The following IFT43 variants were observed in gnomAD, a reference collection of about 807,000 sequenced individuals.
IFT43 encodes intraflagellar transport 43.
Under a neutral mutation model 32.3 loss-of-function variants are expected in IFT43, and 33 were observed. The observed-to-expected ratio is 1.02, with a 90% CI of 0.77 to 1.37. The LOEUF (loss-of-function observed/expected upper bound fraction) is 1.37. Ranked by LOEUF, IFT43 falls within the 40% of genes most tolerant of loss-of-function variation. The pLI is 0.00. For missense variants in IFT43, 274 were observed against 265.9 expected (o/e 1.03, Z -0.21); for synonymous variants, 93 against 98.2 (o/e 0.95, Z 0.31).
intron 2 of IFT43, among the ~76,000 whole-genome samples, chr14:76,005,261 C>T (rs1439727850): frequency 6.6e-6 from 1 of 152,192 alleles, no homozygotes; most frequent in Non-Finnish European, 1.5e-5. Flanking sequence ...TCACCTTAAA[C>T]TTGTGGGAAC....
intron 3 of IFT43, among the ~76,000 whole-genome samples, chr14:76,054,525 C>T (rs2036973818): frequency 6.6e-6 from 1 of 152,210 alleles, no homozygotes; most frequent in Non-Finnish European, 1.5e-5. Flanking sequence ...CAGTGCCCAG[C>T]GTCCCTCTCT....
chr14:76,057,666 G>A (rs2037045309), intron 3 of IFT43, among the ~76,000 whole-genome samples: 2 of 152,144 alleles, frequency 1.3e-5, no homozygotes, highest in Admixed American at 1.3e-4. Flanking sequence ...AAGGCTGGTG[G>A]CCTACCCTGT....
chr14:75,988,826 A>G (rs1266661841), intron 1 of IFT43, 59 bp from the exon 2 acceptor site: 13 of 1,611,644 alleles, frequency 8.1e-6, no homozygotes, highest in Admixed American at 1.7e-5. Context: ...CTGGATTGTC[A>G]TCTCAGTAGT....
intron 3 of IFT43, among the ~76,000 whole-genome samples, chr14:76,044,873 A>G (rs532733305): frequency 2.0e-5 from 3 of 152,112 alleles, no homozygotes; most frequent in African/African-American, 4.8e-5. Context: ...CTCCTGATCC[A>G]TTTCCACTTA....
At chr14:76,011,786 G>T (rs118158622) in intron 2 of IFT43, among the ~76,000 whole-genome samples, 2,174 of 152,292 alleles carry the variant, frequency 0.014, 24 homozygotes, top group Non-Finnish European at 0.02. Context: ...GAGAAACTCA[G>T]TTCTCTGAGG....
chr14:76,062,190 C>T (rs2037148862), intron 5 of IFT43, among the ~76,000 whole-genome samples: 4 of 151,940 alleles, frequency 2.6e-5, no homozygotes, highest in Admixed American at 1.3e-4. Context: ...CCTGCCTCAG[C>T]CTCCCAAGTA....
At position 75,987,645 on chromosome 14, in the gene IFT43, G is replaced by A. The variant is rs1281305905; in HGVS notation, c.55-1240G>A. 2.0e-5 allele frequency among the ~76,000 whole-genome samples: 3 copies of A among 152,142 alleles called. No individual in the cohort carries two copies. In the East Asian group the frequency reaches 5.8e-4, roughly 29 times the overall value. On this transcript the variant is annotated intron_variant, in intron 1 of 8. Coordinates refer to ENST00000314067, the MANE Select transcript of IFT43 (RefSeq NM_001102564.3). ...GCCACATTAAATGAGATCTAAAAGT[G>A]CTTATATTAATGCTGTTTTTTTTAA...
At chr14:76,046,713 A>G (rs1399489481) in intron 3 of IFT43, among the ~76,000 whole-genome samples, 1 of 152,214 alleles carries the variant, frequency 6.6e-6, no homozygotes, top group East Asian at 1.9e-4. Flanking sequence ...GAACAACTTT[A>G]TGAAGTAGAA....
intron 2 of IFT43, among the ~76,000 whole-genome samples, chr14:75,993,877 A>G (rs1362860601): frequency 6.6e-6 from 1 of 152,188 alleles, no homozygotes; most frequent in Admixed American, 6.5e-5. Flanking sequence ...CCTTCTTATC[A>G]GGAAAACAGT....
At position 76,065,400 on chromosome 14, in the gene IFT43, A is replaced by G. The variant is rs535426360; in HGVS notation, c.295+6027A>G. On this transcript the variant is annotated intron_variant, in intron 5 of 8. Transcript: ENST00000314067. ...AACGATATCCTTATTAAAGTATACA[A>G]TTTAGGTTTTCACAGATGTATATAC... Among the ~76,000 whole-genome samples the G allele has an allele frequency of 6.6e-5, 10 of 152,318 alleles. No individual in the cohort carries two copies. The South Asian group carries it at 1.2e-3, about 19-fold the overall frequency.
At chr14:76,076,798 A>G (rs2037421404) in intron 5 of IFT43, 2 of 1,368,404 alleles carry the variant, frequency 1.5e-6, no homozygotes, top group South Asian at 1.2e-5. Flanking sequence ...TCCGTAATGA[A>G]TGTATTTCAG....
At chr14:75,989,764 G>A (rs1266857607) in intron 2 of IFT43, among the ~76,000 whole-genome samples, 1 of 152,144 alleles carries the variant, frequency 6.6e-6, no homozygotes, top group Non-Finnish European at 1.5e-5. Context: ...AGGAAACCTG[G>A]CTTCTAGCTT....
chr14:76,039,668 A>T (rs556271455), intron 3 of IFT43, among the ~76,000 whole-genome samples: 1 of 152,332 alleles, frequency 6.6e-6, no homozygotes, highest in African/African-American at 2.4e-5. Flanking sequence ...ATTTTTAAAT[A>T]AAAAAGAAAC....
intron 3 of IFT43, among the ~76,000 whole-genome samples, chr14:76,033,320 G>A (rs1200727088): frequency 6.6e-6 from 1 of 152,196 alleles, no homozygotes; most frequent in Non-Finnish European, 1.5e-5. Flanking sequence ...TAGAAATGAA[G>A]TAGGGGGTTA....
intron 5 of IFT43, among the ~76,000 whole-genome samples, chr14:76,062,567 T>C (rs565444479): frequency 5.6e-4 from 86 of 152,248 alleles, no homozygotes; most frequent in African/African-American, 2.1e-3. Context: ...TAACCCCCTC[T>C]TGAGTCAAGG....
rs78306798 is a variant in IFT43 at position 76,004,418 on chromosome 14, G to A, written c.147+15441G>A. ...TTTCCCCCGATTGTTCTGTATGTAAGTCTTTTCTCCTCCCTCTGGCTGCTT... is the reference window on the plus strand; with the variant it reads ...TTTCCCCCGATTGTTCTGTATGTAAATCTTTTCTCCTCCCTCTGGCTGCTT... On this transcript the variant is annotated intron_variant, in intron 2 of 8. Transcript: ENST00000314067. Among the ~76,000 whole-genome samples the A allele has an allele frequency of 7.3e-3, 1,115 of 151,872 alleles. 17 individuals carry two copies. The highest frequency in any genetic ancestry group is 0.026 in the African/African-American group (1,061 of 41,380).
chr14:76,057,536 T>G (rs2037042061), intron 3 of IFT43, among the ~76,000 whole-genome samples: 1 of 113,316 alleles, frequency 8.8e-6, no homozygotes, highest in Non-Finnish European at 1.8e-5. Context: ...TGGCTGAAAT[T>G]TTTATTTTTT....
chr14:76,008,881 C>A (rs1026899905), intron 2 of IFT43, among the ~76,000 whole-genome samples: 1 of 152,220 alleles, frequency 6.6e-6, no homozygotes, highest in Non-Finnish European at 1.5e-5. Context: ...GCCCTTAACG[C>A]TTCCCTCAAT....
At chr14:75,997,466 G>A (rs1475847919) in intron 2 of IFT43, among the ~76,000 whole-genome samples, 3 of 152,206 alleles carry the variant, frequency 2.0e-5, no homozygotes, top group African/African-American at 7.2e-5. Flanking sequence ...TGCAACCACT[G>A]TACCTTCCTC....
Sources: allele counts gnomAD v4.1 joint callset (sites outside exome capture counted in the v4.1 genomes callset), GRCh38; gene constraint gnomAD v4.1.1; transcripts MANE v1.5; gene names NCBI Gene and HGNC (gene_info 2026-07-23, HGNC 2026-07-21).